Variants in PPTC7 observed in about 807,000 individuals in gnomAD.
PPTC7 encodes protein phosphatase targeting COQ7, also known as protein phosphatase PTC7 homolog.
PPTC7 carries 6 observed loss-of-function variants against 30.8 expected under a neutral mutation model. The observed-to-expected ratio is 0.19, with a 90% CI of 0.11 to 0.38. The LOEUF is 0.38. Among genes scored for constraint, PPTC7 ranks in the 10% least tolerant of loss-of-function variants. The probability of loss-of-function intolerance (pLI) is 1.00; values close to 1 mark genes in which losing one functional copy is unlikely to be tolerated. For missense variants in PPTC7, 218 were observed against 404.8 expected (o/e 0.54, Z 3.96); for synonymous variants, 163 against 168.1 (o/e 0.97, Z 0.23).
chr12:110,545,721 A>T (rs1235876846), intron 3 of PPTC7, among the ~76,000 whole-genome samples, 159 bp downstream of exon 3: 1 of 152,222 alleles, frequency 6.6e-6, no homozygotes, highest in Non-Finnish European at 1.5e-5. Context: ...GTTCCAGAAA[A>T]GTATCTTTCA....
intron 2 of PPTC7, among the ~76,000 whole-genome samples, chr12:110,547,351 C>T (rs1299869996): frequency 6.6e-6 from 1 of 152,178 alleles, no homozygotes; most frequent in East Asian, 1.9e-4. Flanking sequence ...AACTACTTAA[C>T]CTCTCTGTGC....
intron 1 of PPTC7, among the ~76,000 whole-genome samples, chr12:110,561,653 T>C (rs1277112921): frequency 6.6e-6 from 1 of 152,072 alleles, no homozygotes; most frequent in Non-Finnish European, 1.5e-5. Context: ...CCTCAACTAT[T>C]TGGGCACTTA....
chr12:110,573,722 C>T (rs557283468), intron 1 of PPTC7, among the ~76,000 whole-genome samples: 58 of 151,778 alleles, frequency 3.8e-4, no homozygotes, highest in Middle Eastern at 3.2e-3. Context: ...TGGCTCACAC[C>T]TGTAATCCCA....
intron 1 of PPTC7, among the ~76,000 whole-genome samples, chr12:110,572,131 T>C (rs2064541792): frequency 6.6e-6 from 1 of 152,164 alleles, no homozygotes; most frequent in Non-Finnish European, 1.5e-5. Flanking sequence ...ACTTGCTAGA[T>C]AACAGCATCC....
intron 1 of PPTC7, among the ~76,000 whole-genome samples, chr12:110,557,519 T>C (rs1355090122): frequency 6.6e-6 from 1 of 152,114 alleles, no homozygotes; most frequent in African/African-American, 2.4e-5. Flanking sequence ...GCTCAAGCAA[T>C]CTCACACCTT....
chr12:110,573,181 T>C (rs1184247117), intron 1 of PPTC7, among the ~76,000 whole-genome samples: 3 of 152,104 alleles, frequency 2.0e-5, no homozygotes, highest in Non-Finnish European at 4.4e-5. Context: ...CGTCCGGCCC[T>C]ATGGTCATCT....
chr12:110,556,233 C>T (rs1427928163), intron 1 of PPTC7, among the ~76,000 whole-genome samples: 1 of 152,072 alleles, frequency 6.6e-6, no homozygotes, highest in Non-Finnish European at 1.5e-5. Context: ...GCAAAGGATG[C>T]CAAGCAAAAC....
rs913244685 is a variant in PPTC7, at chr12:110,533,346, T to C, written c.*3691A>G. On this transcript the variant is annotated 3_prime_UTR_variant, in exon 6 of 6. Coordinates refer to ENST00000354300, the MANE Select transcript of PPTC7 (RefSeq NM_139283.2). Reference sequence around the variant, plus strand: ...TATAATTCAGACATCCAAATTCAGGTAATTGCCTCTTGGGTAATAAGACAA... The same window carrying C: ...TATAATTCAGACATCCAAATTCAGGCAATTGCCTCTTGGGTAATAAGACAA... 1 of 152,172 alleles carries C rather than the reference T, an allele frequency of 6.6e-6. No homozygotes were observed. The highest frequency in any genetic ancestry group is 6.5e-5 in the Admixed American group (1 of 15,276). The allele number at this position is 152,172 out of a possible 1,614,324, so 9.4% of individuals were successfully genotyped here.
intron 1 of PPTC7, among the ~76,000 whole-genome samples, chr12:110,561,083 T>C (rs1187715839): frequency 6.6e-6 from 1 of 152,184 alleles, no homozygotes; most frequent in Non-Finnish European, 1.5e-5. Flanking sequence ...CTTTCTGCAG[T>C]AAGGGGCCAT....
At chr12:110,543,534 CAGCCTTTGAAAGCTAATCAGATTCT>C (rs1159863825) in intron 3 of PPTC7, among the ~76,000 whole-genome samples, 2 of 152,064 alleles carry the variant, frequency 1.3e-5, no homozygotes, top group African/African-American at 4.8e-5. Flanking sequence ...CTCATCTGCT[CAGCCTTTGAAAGCTAATCAGATTCT>C]AGAAGTGTAG....
At chr12:110,575,352 G>A (rs2064579536) in intron 1 of PPTC7, among the ~76,000 whole-genome samples, 1 of 151,832 alleles carries the variant, frequency 6.6e-6, no homozygotes, top group Non-Finnish European at 1.5e-5. Flanking sequence ...AAAGCCCCAG[G>A]CAAGACCTCT....
intron 1 of PPTC7, among the ~76,000 whole-genome samples, chr12:110,567,601 G>A (rs1319916473): frequency 6.6e-6 from 1 of 152,142 alleles, no homozygotes; most frequent in East Asian, 1.9e-4. Flanking sequence ...TGAGTCTGAA[G>A]CTCAACTACT....
At chr12:110,550,047 T>C (rs186113580) in intron 2 of PPTC7, among the ~76,000 whole-genome samples, 5 of 152,028 alleles carry the variant, frequency 3.3e-5, no homozygotes, top group African/African-American at 1.2e-4. Context: ...CAAAGCAGTA[T>C]ATATTGAAAC....
chr12:110,545,870 G>A lies in PPTC7; in HGVS notation c.602+10C>T, dbSNP rs750965437. On this transcript the variant is annotated intron_variant, in intron 3 of 5. Transcript: ENST00000354300. ...CCTGCTCACACTTAATGGCTGAGAGGGGAGATTACCTGTCGCTCAAGACGA... is the reference window on the plus strand; with the variant it reads ...CCTGCTCACACTTAATGGCTGAGAGAGGAGATTACCTGTCGCTCAAGACGA... 26 of 1,612,604 alleles carry A rather than the reference G, an allele frequency of 1.6e-5. No homozygotes were observed. Among genetic ancestry groups the A allele is most frequent in the Non-Finnish European group, 2.2e-5 (26 of 1,179,782 alleles).
chr12:110,542,441 G>A (rs2064268635), intron 3 of PPTC7, among the ~76,000 whole-genome samples: 1 of 151,952 alleles, frequency 6.6e-6, no homozygotes, highest in Non-Finnish European at 1.5e-5. Context: ...GGAGGCCAAG[G>A]TGGGCAGATC....
chr12:110,561,403 T>G (rs1208143693), intron 1 of PPTC7, among the ~76,000 whole-genome samples: 1 of 152,144 alleles, frequency 6.6e-6, no homozygotes, highest in Non-Finnish European at 1.5e-5. Flanking sequence ...AACCTTCGCC[T>G]CCCAGGTTCA....
At chr12:110,541,277 G>A (rs2064257238) in intron 3 of PPTC7, among the ~76,000 whole-genome samples, 1 of 151,868 alleles carries the variant, frequency 6.6e-6, no homozygotes, top group Non-Finnish European at 1.5e-5. Context: ...AGCTATTCAG[G>A]AGGCTGAGGC....
chr12:110,582,949 C>A lies in PPTC7; in HGVS notation c.83G>T (p.Gly28Val). Residue 28 changes from glycine (G) to valine (V), a missense_variant, in exon 1 of 6, where the codon GGC becomes GTC. Physicochemically the swap from Gly to Val is moderately radical, Grantham distance 109 (BLOSUM62 -3). Coordinates refer to ENST00000354300, the MANE Select transcript of PPTC7 (RefSeq NM_139283.2). ...CAGTCCGTAGTCGCCGCCGCCGCCG[C>A]CGCCGGCCCTGGGGTCGGTCTGCGA... ...GLSQTDPRAG[G>V]GGGGDYGLVT... 6.5e-7 allele frequency: 1 copy of A among 1,542,088 alleles called. No individual in the cohort carries two copies. Among genetic ancestry groups the A allele is most frequent in the Non-Finnish European group, 8.8e-7 (1 of 1,142,258 alleles).
At chr12:110,549,131 T>C (rs1483059271) in intron 2 of PPTC7, among the ~76,000 whole-genome samples, 1 of 152,194 alleles carries the variant, frequency 6.6e-6, no homozygotes, top group Non-Finnish European at 1.5e-5. Flanking sequence ...ACTAAGCCTT[T>C]TGTATGGCAG....
Sources: gnomAD v4.1 joint callset for allele counts (sites outside exome capture counted in the v4.1 genomes callset) on GRCh38, gnomAD v4.1.1 for gene constraint, MANE v1.5 for transcripts, NCBI Gene and HGNC (gene_info 2026-07-23, HGNC 2026-07-21) for gene names.